Variants in MYO9B observed in about 807,000 individuals in gnomAD.
MYO9B encodes unconventional myosin-IXb.
Under a neutral mutation model 229.5 loss-of-function variants are expected in MYO9B, and 71 were observed. The observed-to-expected ratio is 0.31, with a 90% CI of 0.26 to 0.38. The LOEUF (loss-of-function observed/expected upper bound fraction) is 0.38. Ranked by LOEUF, MYO9B falls within the 10% of genes least tolerant of loss-of-function variation. The probability of loss-of-function intolerance (pLI) is 1.00; values close to 1 mark genes in which losing one functional copy is unlikely to be tolerated. For synonymous variants in MYO9B, 1,185 were observed against 1,235.8 expected, an observed-to-expected ratio of 0.96 and a Z score of 0.86; for missense variants, 2,255 against 2,920.5, an observed-to-expected ratio of 0.77 and a Z score of 5.25.
At chr19:17,092,532 C>A (rs923282036) in intron 1 of MYO9B, among the ~76,000 whole-genome samples, 2 of 152,106 alleles carry the variant, frequency 1.3e-5, no homozygotes, top group African/African-American at 4.8e-5. Context: ...TGGAGACCAG[C>A]CTGGCCAACA....
intron 19 of MYO9B, among the ~76,000 whole-genome samples, chr19:17,190,109 T>C (rs1599408955): frequency 6.6e-6 from 1 of 150,664 alleles, no homozygotes; most frequent in South Asian, 2.1e-4. Flanking sequence ...CCTGGCATGG[T>C]GGCTCACACC....
chr19:17,183,242 C>T (rs2072881050), intron 15 of MYO9B, among the ~76,000 whole-genome samples: 1 of 152,086 alleles, frequency 6.6e-6, no homozygotes, highest in Non-Finnish European at 1.5e-5. Context: ...TTCTTCTTTC[C>T]CACCAGCATG....
Position 17,197,828 on chromosome 19 carries a change from C to T in MYO9B, c.4083C>T (p.Ser1361=), listed in dbSNP as rs1296480929. 2 of 1,613,548 alleles carry T rather than the reference C, an allele frequency of 1.2e-6. No individual in the cohort carries two copies. Among genetic ancestry groups the T allele is most frequent in the Admixed American group, 1.7e-5 (1 of 59,988 alleles). The change falls in exon 23 of 40, where the codon TCC becomes TCT. Residue 1361 remains serine, a synonymous_variant. Transcript: ENST00000682292. The part of the protein sequence containing the change: ...RRTSFSTSDV[S]KLLPSLAKAQ... ...CCTCCTTCTCCACGAGCGACGTCTC[C>T]AAGCTCCTCCCGTCCCTGGCCAAGG...
In MYO9B at chr19:17,181,028, G is replaced by A. The variant is rs189660797; in HGVS notation, c.2321G>A (p.Arg774His). ...LQSLSRLQKP[R>H]AFILKSKGIK... ...TCCCTCAGTCGGCTCCAGAAACCCC[G>A]CGCCTTCATCCTGTGAGTCCCCCAC... The change falls in exon 15 of 40, where the codon CGC becomes CAC. Residue 774 changes from arginine (R) to histidine (H), a missense_variant. Arg to His is a conservative substitution (Grantham distance 29). Around this residue, in one of 7 missense-constraint regions of MYO9B, gnomAD observed 155 missense variants for 159.1 expected, o/e 0.97. Coordinates refer to ENST00000682292, the MANE Select transcript of MYO9B (RefSeq NM_004145.4). 18 of 1,608,914 alleles carry A rather than the reference G, an allele frequency of 1.1e-5. No individual in the cohort carries two copies. The highest frequency in any genetic ancestry group is 1.7e-4 in the Middle Eastern group (1 of 6,050).
At chr19:17,120,055 T>C (rs1438580416) in intron 2 of MYO9B, among the ~76,000 whole-genome samples, 1 of 152,156 alleles carries the variant, frequency 6.6e-6, no homozygotes, top group African/African-American at 2.4e-5. Context: ...TCCCAGCTAC[T>C]CAGGAGGCTG....
chr19:17,209,500 C>T, intron 35 of MYO9B, 86 bp from the exon 36 acceptor site: 1 of 1,440,914 alleles, frequency 6.9e-7, no homozygotes. Flanking sequence ...ACCACTGCCC[C>T]CCAGGCACCA....
rs1335894244 is a variant in MYO9B, at chr19:17,202,912, C to G, written c.4878+29C>G. The G allele has an allele frequency of 1.4e-5, 23 of 1,591,236 alleles. No homozygotes were observed. The Admixed American group carries it at 3.7e-4, about 26-fold the overall frequency. ...AGTAGGCTGCACATAGATGAGAGTC[C>G]GAGCAGGCGAACATTGGCAGGAGCA... On this transcript the variant is annotated intron_variant, in intron 29 of 39. Transcript: ENST00000682292.
intron 1 of MYO9B, among the ~76,000 whole-genome samples, chr19:17,081,673 G>A (rs1173025097): frequency 6.6e-6 from 1 of 152,064 alleles, no homozygotes; most frequent in African/African-American, 2.4e-5. Flanking sequence ...GCTGGGTGTA[G>A]TGGCACACAC....
intron 2 of MYO9B, among the ~76,000 whole-genome samples, chr19:17,107,996 T>C (rs1426271648): frequency 1.3e-5 from 2 of 152,206 alleles, no homozygotes; most frequent in Non-Finnish European, 2.9e-5. Context: ...AAGTCCCACT[T>C]GGTGACATCT....
At chr19:17,188,989 A>G (rs2072950422) in intron 19 of MYO9B, among the ~76,000 whole-genome samples, 2 of 102,166 alleles carry the variant, frequency 2.0e-5, no homozygotes, top group African/African-American at 9.8e-5. Flanking sequence ...CTCTACTAAA[A>G]ATACAAAAAA....
At chr19:17,126,594 G>A (rs1024046157) in intron 2 of MYO9B, among the ~76,000 whole-genome samples, 1 of 152,008 alleles carries the variant, frequency 6.6e-6, no homozygotes, top group African/African-American at 2.4e-5. Context: ...CCAGGAAAAC[G>A]TCATTTGCTG....
chr19:17,153,436 C>G (rs2072502452), intron 4 of MYO9B, among the ~76,000 whole-genome samples: 1 of 150,794 alleles, frequency 6.6e-6, no homozygotes, highest in African/African-American at 2.4e-5. Context: ...CCTGTAATCC[C>G]AGCACTTTGG....
intron 1 of MYO9B, among the ~76,000 whole-genome samples, chr19:17,089,565 G>A (rs2057616975): frequency 6.6e-6 from 1 of 152,156 alleles, no homozygotes; most frequent in African/African-American, 2.4e-5. Context: ...CCGGCCTTGA[G>A]AGCGGCTAAT....
intron 2 of MYO9B, among the ~76,000 whole-genome samples, chr19:17,139,450 A>G (rs1465719441): frequency 1.3e-5 from 2 of 152,076 alleles, no homozygotes; most frequent in Non-Finnish European, 2.9e-5. Context: ...TTCTGTCTCT[A>G]AATAGATAGA....
chr19:17,155,852 C>T (rs1207233913), intron 6 of MYO9B, among the ~76,000 whole-genome samples: 2 of 152,060 alleles, frequency 1.3e-5, no homozygotes, highest in African/African-American at 4.8e-5. Flanking sequence ...AACCCTGTCT[C>T]TACTAAAAAT....
intron 26 of MYO9B, 49 bp downstream of exon 26, chr19:17,200,878 G>A (rs1358648609): frequency 1.9e-6 from 3 of 1,581,418 alleles, no homozygotes; most frequent in Non-Finnish European, 8.7e-7. Context: ...GTCCCCAGGG[G>A]AACCATCACA....
chr19:17,181,635 A>G (rs1211999232), intron 15 of MYO9B, among the ~76,000 whole-genome samples: 1 of 152,198 alleles, frequency 6.6e-6, no homozygotes, highest in East Asian at 1.9e-4. Flanking sequence ...CTGACAAGAC[A>G]TCCACCTGCG....
chr19:17,204,000 A>C (rs2073135011), intron 30 of MYO9B, among the ~76,000 whole-genome samples: 1 of 152,096 alleles, frequency 6.6e-6, no homozygotes, highest in African/African-American at 2.4e-5. Flanking sequence ...AAGCCCAGGC[A>C]GCCTCCAGAG....
chr19:17,199,583 C>A (rs12978264), intron 24 of MYO9B, among the ~76,000 whole-genome samples: 106,081 of 151,564 alleles, frequency 0.7, 38,760 homozygotes, highest in African/African-American at 0.92. Flanking sequence ...GCTCAATCTC[C>A]GCTCACTGCA....
Sources: gnomAD v4.1 joint callset for allele counts (sites outside exome capture counted in the v4.1 genomes callset) on GRCh38, gnomAD v4.1.1 for gene constraint, gnomAD v4.1.1 regional missense constraint, MANE v1.5 for transcripts, NCBI Gene and HGNC (gene_info 2026-07-23, HGNC 2026-07-21) for gene names.